Variants in EZH2 observed in about 807,000 individuals in gnomAD.
EZH2 encodes enhancer of zeste 2 polycomb repressive complex 2 subunit, also known as histone-lysine N-methyltransferase EZH2.
EZH2 carries 18 observed loss-of-function variants against 98.4 expected under a neutral mutation model. That is an observed-to-expected ratio of 0.18 (90% CI 0.13 to 0.27). The LOEUF is 0.27. Ranked by LOEUF, EZH2 falls within the 10% of genes least tolerant of loss-of-function variation. The probability of loss-of-function intolerance (pLI) is 1.00; values close to 1 mark genes in which losing one functional copy is unlikely to be tolerated. For synonymous variants in EZH2, 338 were observed against 312.3 expected (o/e 1.08, Z -0.87); for missense variants, 470 against 935.1 (o/e 0.50, Z 6.49).
At position 148,851,274 on chromosome 7, in the gene EZH2, T is replaced by C. The variant is rs139452316; in HGVS notation, c.-7-3969A>G. Among the ~76,000 whole-genome samples, 17 of 152,270 alleles carry C rather than the reference T, an allele frequency of 1.1e-4. No homozygotes were observed. The East Asian group carries it at 2.9e-3, about 26-fold the overall frequency. On this transcript the variant is annotated intron_variant, in intron 1 of 19. Transcript: ENST00000320356. The stretch of plus-strand genomic sequence containing the variant: ...GGTCAGTTAGGACCCTGTGGTTCAG[T>C]TGTCCCTACTACCAGTTAGAGATCT...
rs1006435819 is a variant in EZH2, at chr7:148,808,261, G to A, written c.2196-555C>T. ...CACACTCTTCATTCAGAGCCAGCCT[G>A]GAGTGAAGGCAGCGGCCTTTGCTAA... is the stretch of plus-strand genomic sequence containing the variant. On this transcript the variant is annotated intron_variant, in intron 19 of 19. Coordinates refer to ENST00000320356, the MANE Select transcript of EZH2 (RefSeq NM_004456.5). Among the ~76,000 whole-genome samples the A allele has an allele frequency of 4.6e-5, 7 of 152,208 alleles. No homozygotes were observed. The South Asian group carries it at 1.0e-3, about 23-fold the overall frequency.
intron 1 of EZH2, among the ~76,000 whole-genome samples, chr7:148,867,380 T>C (rs1349766409): frequency 2.0e-5 from 3 of 152,130 alleles, no homozygotes; most frequent in Non-Finnish European, 4.4e-5. Flanking sequence ...GATATTCCGT[T>C]ATACCAGCAC....
chr7:148,844,841 T>A (rs2129484405), intron 3 of EZH2, among the ~76,000 whole-genome samples: 1 of 152,282 alleles, frequency 6.6e-6, no homozygotes, highest in East Asian at 1.9e-4. Flanking sequence ...ATGTCAATAA[T>A]GTACTTCACT....
intron 1 of EZH2, among the ~76,000 whole-genome samples, chr7:148,869,503 A>G (rs187876829): frequency 1.8e-4 from 28 of 152,030 alleles, no homozygotes; most frequent in Admixed American, 1.0e-3. Context: ...ATGCCACCAC[A>G]TGTGGCTAAT....
At chr7:148,834,993 C>G (rs1023817295) in intron 3 of EZH2, among the ~76,000 whole-genome samples, 1 of 152,198 alleles carries the variant, frequency 6.6e-6, no homozygotes, top group African/African-American at 2.4e-5. Context: ...AATTACAAAA[C>G]CAGGATTAAA....
At chr7:148,867,815 G>C (rs57502331) in intron 1 of EZH2, among the ~76,000 whole-genome samples, 1,626 of 152,270 alleles carry the variant, frequency 0.011, 27 homozygotes, top group African/African-American at 0.037. Context: ...GAAGCAGCCA[G>C]GCCACTTCTT....
At chr7:148,824,641 C>T (rs1044436858) in intron 8 of EZH2, among the ~76,000 whole-genome samples, 2 of 152,046 alleles carry the variant, frequency 1.3e-5, no homozygotes, top group Non-Finnish European at 2.9e-5. Context: ...AATGCATCTC[C>T]GTCCATAAGT....
At chr7:148,844,331 C>T (rs747636916) in intron 3 of EZH2, among the ~76,000 whole-genome samples, 2 of 152,120 alleles carry the variant, frequency 1.3e-5, no homozygotes, top group Non-Finnish European at 1.5e-5. Flanking sequence ...TAAAGCTTTA[C>T]GATTTATTGT....
chr7:148,844,513 T>C (rs1256053765), intron 3 of EZH2, among the ~76,000 whole-genome samples: 1 of 152,202 alleles, frequency 6.6e-6, no homozygotes, highest in African/African-American at 2.4e-5. Flanking sequence ...CAGAGTTCTA[T>C]GCAACAAAAA....
chr7:148,838,025 T>C (rs1470909273), intron 3 of EZH2, among the ~76,000 whole-genome samples: 7 of 150,910 alleles, frequency 4.6e-5, no homozygotes, highest in Admixed American at 3.3e-4. Flanking sequence ...GCATTTAACA[T>C]AGGACATTTG....
At chr7:148,820,939 A>G (rs1805882637) in intron 8 of EZH2, 1 of 152,140 alleles carries the variant, frequency 6.6e-6, no homozygotes, top group South Asian at 2.1e-4. Context: ...AAGAGACAGA[A>G]CATTTATCTC....
At chr7:148,843,552 T>A (rs1187490729) in intron 3 of EZH2, among the ~76,000 whole-genome samples, 1 of 150,140 alleles carries the variant, frequency 6.7e-6, no homozygotes, top group Non-Finnish European at 1.5e-5. Flanking sequence ...ACTGAGTATA[T>A]CCACTTCTAC....
chr7:148,815,164 C>T, intron 13 of EZH2, 125 bp from the exon 14 acceptor site: 2 of 1,196,216 alleles, frequency 1.7e-6, no homozygotes, highest in Non-Finnish European at 2.3e-6. Flanking sequence ...TTACTGAATG[C>T]ATAACATTAC....
At position 148,846,748 on chromosome 7, in the gene EZH2, C is replaced by A. The variant is rs942448598; in HGVS notation, c.118-150G>T. 9 of 686,872 alleles carry A rather than the reference C, an allele frequency of 1.3e-5. No homozygotes were observed. In the African/African-American group the frequency reaches 1.5e-4, roughly 11 times the overall value. The allele number at this position is 686,872 out of a possible 1,614,324, so 42.5% of individuals were successfully genotyped here. ...CATATAGATTTTACACTATAGTTTC[C>A]CACATTCAAATAATACAAAAACACC... On this transcript the variant is annotated intron_variant, in intron 2 of 19. Transcript: ENST00000320356.
At position 148,869,338 on chromosome 7, in the gene EZH2, CTTTTTTTTT is replaced by C. The variant is rs143589780; in HGVS notation, c.-8+14817_-8+14825del. ...AAAGGACCCTATAGGCAGCAATAGC[CTTTTTTTTT>C]TTTTTTTTTTTTTTTGGAGACACAG... On this transcript the variant is annotated intron_variant, in intron 1 of 19. Coordinates refer to ENST00000320356, the MANE Select transcript of EZH2 (RefSeq NM_004456.5). Among the ~76,000 whole-genome samples, 26 of 80,326 alleles carry C rather than the reference CTTTTTTTTT, an allele frequency of 3.2e-4. 1 individual carries two copies. The highest frequency in any genetic ancestry group is 1.1e-3 in the African/African-American group (22 of 20,816). 52.7% of individuals were successfully genotyped at this position (80,326 alleles called of 152,430 possible). A position where few individuals can be genotyped will look rare whatever the true frequency, so the allele number is the denominator to read the frequency against.
chr7:148,821,501 T>C (rs1420556429), intron 8 of EZH2, among the ~76,000 whole-genome samples: 1 of 152,194 alleles, frequency 6.6e-6, no homozygotes, highest in African/African-American at 2.4e-5. Flanking sequence ...CCACTAATTT[T>C]TTTTAAAAAG....
intron 8 of EZH2, among the ~76,000 whole-genome samples, chr7:148,821,862 C>A (rs906693439): frequency 2.6e-5 from 4 of 151,736 alleles, no homozygotes; most frequent in South Asian, 2.1e-4. Context: ...ATATCTCTCT[C>A]TCTAAATAAA....
chr7:148,881,712 T>C (rs1820986043), intron 1 of EZH2, among the ~76,000 whole-genome samples: 1 of 151,992 alleles, frequency 6.6e-6, no homozygotes, highest in East Asian at 1.9e-4. Context: ...GGCGGGTACA[T>C]CACTTCAGGT....
chr7:148,848,708 GAATATACA>G (rs1482661532), intron 1 of EZH2, among the ~76,000 whole-genome samples: 1 of 152,120 alleles, frequency 6.6e-6, no homozygotes, highest in Non-Finnish European at 1.5e-5. Context: ...TGAATAAAAT[GAATATACA>G]AATATTATTA....
Sources: allele counts gnomAD v4.1 joint callset (sites outside exome capture counted in the v4.1 genomes callset), GRCh38; gene constraint gnomAD v4.1.1; transcripts MANE v1.5; gene names NCBI Gene and HGNC (gene_info 2026-07-23, HGNC 2026-07-21).